The following MICU1 variants were observed in gnomAD, a reference collection of about 807,000 sequenced individuals.
The protein encoded by MICU1 is calcium uptake protein 1, mitochondrial.
MICU1 carries 45 observed loss-of-function variants against 56.8 expected under a neutral mutation model. The ratio of observed to expected loss-of-function variants is 0.79; its 90% CI spans 0.62 to 1.02. The LOEUF (loss-of-function observed/expected upper bound fraction) is 1.02. MICU1 is among the 50% of genes least tolerant of loss of function. MICU1 has a pLI of 0.00. For missense variants in MICU1, 504 were observed against 587.1 expected (o/e 0.86, Z 1.46); for synonymous variants, 186 against 195.1 (o/e 0.95, Z 0.39).
chr10:72,520,454 T>G (rs1225048835), intron 5 of MICU1, among the ~76,000 whole-genome samples: 6 of 152,168 alleles, frequency 3.9e-5, no homozygotes, highest in Non-Finnish European at 5.9e-5. Context: ...TTGAAGTAGT[T>G]TATGATTCCT....
At position 72,512,901 on chromosome 10, in the gene MICU1, T is replaced by A. The variant is rs1867525602; in HGVS notation, c.538-4632A>T. Among the ~76,000 whole-genome samples, 2 of 152,028 alleles carry A rather than the reference T, an allele frequency of 1.3e-5. 1 individual carries two copies. Among genetic ancestry groups the A allele is most frequent in the South Asian group, 4.1e-4 (2 of 4,830 alleles). On this transcript the variant is annotated intron_variant, in intron 5 of 11. Coordinates refer to ENST00000361114, the MANE Select transcript of MICU1 (RefSeq NM_001195518.2). ...TGTATTTTTTGTAGAGATGGGGTTT[T>A]GCCATGTTGCCCAGGTTGGTCTTGA...
intron 11 of MICU1, among the ~76,000 whole-genome samples, chr10:72,371,030 CA>C (rs565154008): frequency 6.9e-6 from 1 of 145,170 alleles, no homozygotes; most frequent in Non-Finnish European, 1.5e-5. Context: ...GACTCTGTCT[CA>C]AAAAAAAAGA....
intron 5 of MICU1, among the ~76,000 whole-genome samples, chr10:72,529,095 T>A (rs1053145773): frequency 3.3e-5 from 5 of 152,238 alleles, no homozygotes; most frequent in Non-Finnish European, 7.3e-5. Context: ...TAAATGTGGA[T>A]AATATTTCAT....
At chr10:72,431,937 C>G (rs1377831499) in intron 8 of MICU1, among the ~76,000 whole-genome samples, 1 of 152,062 alleles carries the variant, frequency 6.6e-6, no homozygotes, top group Non-Finnish European at 1.5e-5. Flanking sequence ...TCTTTGATTA[C>G]TAGGTTGACC....
At chr10:72,391,405 C>T (rs1014012507) in intron 10 of MICU1, among the ~76,000 whole-genome samples, 1 of 151,768 alleles carries the variant, frequency 6.6e-6, no homozygotes, top group Non-Finnish European at 1.5e-5. Flanking sequence ...GCACTCCAGC[C>T]CAGCCTGGTC....
intron 6 of MICU1, among the ~76,000 whole-genome samples, chr10:72,495,068 G>A (rs530691576): frequency 2.6e-4 from 40 of 152,250 alleles, no homozygotes; most frequent in African/African-American, 9.1e-4. Flanking sequence ...CAATATCAGT[G>A]ATGTCAAAAA....
At chr10:72,436,312 G>T (rs899730277) in intron 8 of MICU1, among the ~76,000 whole-genome samples, 3 of 152,212 alleles carry the variant, frequency 2.0e-5, no homozygotes, top group Non-Finnish European at 4.4e-5. Context: ...CAGACCTGCA[G>T]CTGAGGGACC....
intron 6 of MICU1, among the ~76,000 whole-genome samples, chr10:72,493,196 T>C (rs999440856): frequency 8.0e-5 from 12 of 150,798 alleles, no homozygotes; most frequent in Non-Finnish European, 1.5e-4. Context: ...TACATGTGTA[T>C]ACACACACAC....
intron 1 of MICU1, among the ~76,000 whole-genome samples, chr10:72,583,959 A>T (rs1342787571): frequency 6.6e-6 from 1 of 152,240 alleles, no homozygotes; most frequent in Non-Finnish European, 1.5e-5. Flanking sequence ...CCAATAGCAG[A>T]GAAAGCTATT....
At chr10:72,400,926 G>A (rs965046939) in intron 10 of MICU1, among the ~76,000 whole-genome samples, 6 of 150,620 alleles carry the variant, frequency 4.0e-5, no homozygotes, top group Non-Finnish European at 7.4e-5. Context: ...TCATTAACTT[G>A]TTTTTCAAAA....
At chr10:72,592,447 GAA>G (rs1486505584) in intron 1 of MICU1, among the ~76,000 whole-genome samples, 1 of 152,102 alleles carries the variant, frequency 6.6e-6, no homozygotes, top group Non-Finnish European at 1.5e-5. Context: ...CCACAAGATT[GAA>G]GAAGAGGAAA....
chr10:72,439,380 A>C (rs1325730441), intron 8 of MICU1, among the ~76,000 whole-genome samples: 1 of 152,244 alleles, frequency 6.6e-6, no homozygotes, highest in Non-Finnish European at 1.5e-5. Context: ...TCAATAAACT[A>C]GGTACTGATG....
rs562835708 is a variant in MICU1, at chr10:72,398,150, T to A, written c.1180+9779A>T. 5.9e-4 allele frequency among the ~76,000 whole-genome samples: 90 copies of A among 152,078 alleles called. 1 individual carries two copies. The East Asian group carries it at 7.2e-3, about 12-fold the overall frequency. ...GATTAAGAAACTCACTCAAAACCAC[T>A]CAACTACATGGAAACTGAACAACCT... On this transcript the variant is annotated intron_variant, in intron 10 of 11. Transcript: ENST00000361114.
chr10:72,615,786 C>A (rs1045938922), intron 1 of MICU1, among the ~76,000 whole-genome samples: 1 of 151,932 alleles, frequency 6.6e-6, no homozygotes, highest in Non-Finnish European at 1.5e-5. Flanking sequence ...GTCAGGAGAT[C>A]GAGACCATCC....
At chr10:72,513,442 A>T (rs928499094) in intron 5 of MICU1, among the ~76,000 whole-genome samples, 1 of 152,190 alleles carries the variant, frequency 6.6e-6, no homozygotes, top group African/African-American at 2.4e-5. Context: ...GAAGTTCTTT[A>T]TATATTCTGG....
chr10:72,533,476 T>C (rs1227081871), intron 5 of MICU1, among the ~76,000 whole-genome samples: 1 of 152,196 alleles, frequency 6.6e-6, no homozygotes, highest in Admixed American at 6.5e-5. Context: ...ATGATGACTA[T>C]TGAGTTAACA....
intron 10 of MICU1, among the ~76,000 whole-genome samples, chr10:72,378,149 AG>A (rs772038790): frequency 6.6e-6 from 1 of 152,190 alleles, no homozygotes; most frequent in Non-Finnish European, 1.5e-5. Context: ...GCTACTCAGG[AG>A]GCTGAGACAT....
intron 10 of MICU1, among the ~76,000 whole-genome samples, chr10:72,380,005 C>T (rs545975249): frequency 3.9e-5 from 6 of 152,262 alleles, no homozygotes; most frequent in South Asian, 4.1e-4. Flanking sequence ...AGTGGGATGA[C>T]GGCAGATTAC....
Position 72,624,472 on chromosome 10 carries a change from C to G in MICU1, c.-2+1538G>C, listed in dbSNP as rs1488130288. On this transcript the variant is annotated intron_variant, in intron 1 of 11. Transcript: ENST00000361114. The stretch of plus-strand genomic sequence containing the variant: ...GGATTATGGGCCTGAGACACCACAC[C>G]CAGCCTGTTTTATTCTTAAACACAG... 2.6e-5 allele frequency among the ~76,000 whole-genome samples: 4 copies of G among 152,300 alleles called. No individual in the cohort carries two copies. The East Asian group carries it at 7.7e-4, about 29-fold the overall frequency.
Sources: gnomAD v4.1 joint callset for allele counts (sites outside exome capture counted in the v4.1 genomes callset) on GRCh38, gnomAD v4.1.1 for gene constraint, MANE v1.5 for transcripts, NCBI Gene and HGNC (gene_info 2026-07-23, HGNC 2026-07-21) for gene names.